ROBO2: variants seen among roughly 807,000 people sequenced by gnomAD.
ROBO2 encodes the protein roundabout homolog 2.
A neutral mutation model predicts 160.8 loss-of-function variants in ROBO2; 53 were observed. That is an observed-to-expected ratio of 0.33 (90% CI 0.26 to 0.41). The LOEUF (loss-of-function observed/expected upper bound fraction) is 0.41, where lower values mean the gene tolerates loss of function less well. ROBO2 is among the 10% of genes least tolerant of loss of function. The probability of loss-of-function intolerance (pLI) is 1.00; values close to 1 mark genes in which losing one functional copy is unlikely to be tolerated. For missense variants in ROBO2, 1,577 were observed against 1,722.4 expected (o/e 0.92, Z 1.49); for synonymous variants, 664 against 611.7 (o/e 1.09, Z -1.26).
At chr3:76,746,116 GA>G (rs1381903217) in intron 2 of ROBO2, among the ~76,000 whole-genome samples, 2 of 151,570 alleles carry the variant, frequency 1.3e-5, no homozygotes, top group Admixed American at 6.6e-5. Context: ...AGTTTACTGA[GA>G]ATGATGATTT....
chr3:77,212,237 G>C (rs550970614), intron 2 of ROBO2, among the ~76,000 whole-genome samples: 143 of 152,100 alleles, frequency 9.4e-4, no homozygotes, highest in Non-Finnish European at 1.6e-3. Context: ...TGTTTGTATC[G>C]TCTTTTATTT....
chr3:76,863,437 CA>C (rs1295026229), intron 2 of ROBO2, among the ~76,000 whole-genome samples: 1 of 107,566 alleles, frequency 9.3e-6, no homozygotes, highest in East Asian at 3.2e-4. Context: ...GAACCTGTCT[CA>C]AAAAAAAAGA....
At chr3:75,967,181 T>C (rs532879675) in intron 2 of ROBO2, among the ~76,000 whole-genome samples, 62 of 151,784 alleles carry the variant, frequency 4.1e-4, no homozygotes, top group African/African-American at 1.5e-3. Flanking sequence ...TTTTTTCTCT[T>C]TTTTGTAAGT....
chr3:77,577,656 C>T (rs2093804550), intron 15 of ROBO2, 42 bp downstream of exon 16: 1 of 1,610,162 alleles, frequency 6.2e-7, no homozygotes, highest in Non-Finnish European at 8.5e-7. Flanking sequence ...TGTAAAGGTT[C>T]CCAGAGAAAT....
At chr3:76,763,533 A>G (rs2061419209) in intron 2 of ROBO2, among the ~76,000 whole-genome samples, 1 of 150,168 alleles carries the variant, frequency 6.7e-6, no homozygotes, top group African/African-American at 2.5e-5. Flanking sequence ...AACATTAATT[A>G]CTTATTCAAT....
intron 5 of ROBO2, among the ~76,000 whole-genome samples, chr3:77,519,239 G>T (rs980288742): frequency 6.6e-6 from 1 of 151,170 alleles, no homozygotes; most frequent in African/African-American, 2.4e-5. Context: ...TCCTATTCTT[G>T]TTTCCACCTT....
At chr3:76,925,740 C>T (rs1194535390) in intron 2 of ROBO2, among the ~76,000 whole-genome samples, 1 of 152,120 alleles carries the variant, frequency 6.6e-6, no homozygotes, top group African/African-American at 2.4e-5. Flanking sequence ...ACCAAGCCAC[C>T]TAGGAAAGAG....
Position 76,423,030 on chromosome 3 carries a change from G to T in ROBO2, c.109+485428G>T, listed in dbSNP as rs79638983. ...TCTTGCCCATATAGGAGAGGAGTTT[G>T]TCCTTTGAAAGGGGCCCATCAGTCC... On this transcript the variant is annotated intron_variant, in intron 2 of 26. Transcript: ENST00000487694. Among the ~76,000 whole-genome samples the T allele has an allele frequency of 9.3e-3, 1,422 of 152,256 alleles. 22 individuals are homozygous for T. Among genetic ancestry groups the T allele is most frequent in the African/African-American group, 0.033 (1,362 of 41,548 alleles).
At chr3:77,358,212 A>G (rs2069410141) in intron 2 of ROBO2, among the ~76,000 whole-genome samples, 2 of 152,188 alleles carry the variant, frequency 1.3e-5, no homozygotes, top group Non-Finnish European at 2.9e-5. Context: ...TGGAGACTCT[A>G]GGTAGACTCT....
chr3:76,373,380 C>T (rs1235012581), intron 2 of ROBO2, among the ~76,000 whole-genome samples: 1 of 151,930 alleles, frequency 6.6e-6, no homozygotes, highest in Non-Finnish European at 1.5e-5. Context: ...AACAGAATAT[C>T]AGTTTGGCTA....
At chr3:77,103,572 G>A (rs1041828556) in intron 2 of ROBO2, among the ~76,000 whole-genome samples, 1 of 152,106 alleles carries the variant, frequency 6.6e-6, no homozygotes, top group Non-Finnish European at 1.5e-5. Context: ...TTCAAGTATG[G>A]AACTGGAAAT....
At chr3:76,985,384 C>A (rs2060317418) in intron 2 of ROBO2, among the ~76,000 whole-genome samples, 1 of 151,442 alleles carries the variant, frequency 6.6e-6, no homozygotes, top group Non-Finnish European at 1.5e-5. Flanking sequence ...AGATCGAGAC[C>A]ATCCTGGCTA....
chr3:76,673,967 C>A (rs76518821), intron 2 of ROBO2, among the ~76,000 whole-genome samples: 1 of 151,950 alleles, frequency 6.6e-6, no homozygotes, highest in Admixed American at 6.6e-5. Context: ...TGTTTTAAAT[C>A]TAATATGGAA....
chr3:75,925,214 G>A (rs911383421), intron 1 of ROBO2, among the ~76,000 whole-genome samples: 1 of 151,882 alleles, frequency 6.6e-6, no homozygotes, highest in African/African-American at 2.4e-5. Flanking sequence ...GCAACATGGT[G>A]AAACCCCATC....
At chr3:76,726,321 C>A (rs771531327) in intron 2 of ROBO2, among the ~76,000 whole-genome samples, 1 of 151,930 alleles carries the variant, frequency 6.6e-6, no homozygotes, top group African/African-American at 2.4e-5. Flanking sequence ...TTTCAGAAAT[C>A]GTTAATTATT....
chr3:76,050,479 A>G lies in ROBO2; in HGVS notation c.109+112877A>G, dbSNP rs186784235. ...GTATTGGGGGCTTCACCTTATGATC[A>G]TGTGAGTCAATTCTCCTAATAAACT... On this transcript the variant is annotated intron_variant, in intron 2 of 26. Transcript: ENST00000487694. 5.9e-5 allele frequency among the ~76,000 whole-genome samples: 9 copies of G among 152,218 alleles called. No individual in the cohort carries two copies. In the East Asian group the frequency reaches 9.7e-4, roughly 16 times the overall value.
intron 13 of ROBO2, among the ~76,000 whole-genome samples, chr3:77,573,116 T>A (rs2153669663): frequency 6.6e-6 from 1 of 152,148 alleles, no homozygotes; most frequent in African/African-American, 2.4e-5. Context: ...AATTTAAGCC[T>A]TGTTAGACTA....
chr3:77,289,019 T>C (rs958813454), intron 2 of ROBO2, among the ~76,000 whole-genome samples: 1 of 152,090 alleles, frequency 6.6e-6, no homozygotes, highest in African/African-American at 2.4e-5. Context: ...CATTGGTGAG[T>C]TTTGTTTCTG....
At position 76,685,619 on chromosome 3, in the gene ROBO2, TCTAA is replaced by T. The variant is rs561735754; in HGVS notation, c.110-412390_110-412387del. On this transcript the variant is annotated intron_variant, in intron 2 of 26. Coordinates refer to the ROBO2 transcript ENST00000487694. ...TTTTTCCAATTCTTTAAAAACACTT[TCTAA>T]CTAAAGTTTTGGTATCCATTTGACA... Among the ~76,000 whole-genome samples the T allele has an allele frequency of 4.5e-4, 68 of 152,240 alleles. No individual in the cohort carries two copies. In the South Asian group the frequency reaches 0.014, roughly 31 times the overall value.
Sources: allele counts gnomAD v4.1 joint callset (sites outside exome capture counted in the v4.1 genomes callset), GRCh38; gene constraint gnomAD v4.1.1; transcripts MANE v1.5; gene names NCBI Gene and HGNC (gene_info 2026-07-23, HGNC 2026-07-21).